The following COL25A1 variants were observed in gnomAD, a reference collection of about 807,000 sequenced individuals.
The protein encoded by COL25A1 is collagen type XXV alpha 1 chain.
Under a neutral mutation model 128.4 loss-of-function variants are expected in COL25A1, and 103 were observed. The observed-to-expected ratio is 0.80, with a 90% CI of 0.68 to 0.94. The LOEUF (loss-of-function observed/expected upper bound fraction) is 0.94, where lower values mean the gene tolerates loss of function less well. Among genes scored for constraint, COL25A1 ranks in the 40% least tolerant of loss-of-function variants. The pLI, the probability that COL25A1 is intolerant of heterozygous loss-of-function variation, is 0.00. For synonymous variants in COL25A1, 279 were observed against 277.2 expected (o/e 1.01, Z -0.06); for missense variants, 745 against 840.0 (o/e 0.89, Z 1.40).
chr4:108,947,215 G>A (rs868077806), intron 8 of COL25A1, among the ~76,000 whole-genome samples: 8 of 151,970 alleles, frequency 5.3e-5, no homozygotes, highest in Admixed American at 3.3e-4. Context: ...AGGCTGAGGC[G>A]GGCAGATCAC....
intron 8 of COL25A1, among the ~76,000 whole-genome samples, chr4:108,967,763 T>C (rs1751481863): frequency 6.6e-6 from 1 of 152,164 alleles, no homozygotes; most frequent in Non-Finnish European, 1.5e-5. Context: ...TAGGCAATTA[T>C]AATTATTATG....
At position 109,094,520 on chromosome 4, in the gene COL25A1, T is replaced by C. The variant is rs369642508; in HGVS notation, c.368-44341A>G. 2.6e-5 allele frequency among the ~76,000 whole-genome samples: 4 copies of C among 152,340 alleles called. No individual in the cohort carries two copies. The South Asian group carries it at 8.3e-4, about 32-fold the overall frequency. On this transcript the variant is annotated intron_variant, in intron 3 of 37. Transcript: ENST00000399132. ...ATTCCTCAAAGAGAATGTGTGGTTT[T>C]ATATTTGCTAACTTAGGAATCGTCT...
chr4:109,277,944 G>T, intron 3 of COL25A1, among the ~76,000 whole-genome samples: 1 of 151,994 alleles, frequency 6.6e-6, no homozygotes, highest in East Asian at 1.9e-4. Flanking sequence ...GACCATCCTG[G>T]CTAACATGGT....
chr4:108,967,622 A>G (rs1751460103), intron 8 of COL25A1, among the ~76,000 whole-genome samples: 2 of 152,150 alleles, frequency 1.3e-5, no homozygotes, highest in South Asian at 4.1e-4. Context: ...GTGGATAATC[A>G]TTTTACTCAA....
intron 3 of COL25A1, among the ~76,000 whole-genome samples, chr4:109,060,612 C>T (rs762635471): frequency 1.3e-5 from 2 of 151,310 alleles, no homozygotes; most frequent in Admixed American, 6.6e-5. Context: ...GAATGTCTCT[C>T]ATTTGTCTAG....
intron 6 of COL25A1, among the ~76,000 whole-genome samples, chr4:109,003,543 G>A (rs10049847): frequency 0.8 from 120,813 of 151,944 alleles, 49,195 homozygotes; most frequent in East Asian, 1. Flanking sequence ...GCTCACGCCT[G>A]TAATCCCAGC....
At chr4:108,887,044 C>T (rs1234051827) in intron 18 of COL25A1, among the ~76,000 whole-genome samples, 1 of 152,108 alleles carries the variant, frequency 6.6e-6, no homozygotes, top group African/African-American at 2.4e-5. Flanking sequence ...TTTTATAAAT[C>T]TACACACTCA....
At chr4:109,252,442 T>C (rs1203183253) in intron 3 of COL25A1, among the ~76,000 whole-genome samples, 1 of 152,188 alleles carries the variant, frequency 6.6e-6, no homozygotes, top group Admixed American at 6.5e-5. Flanking sequence ...TGGGTGAGAA[T>C]AGGTGTGGCT....
chr4:108,974,418 CAGTT>C (rs762209987), intron 7 of COL25A1, 25 bp from the exon 8 acceptor site: 1 of 1,613,554 alleles, frequency 6.2e-7, no homozygotes, highest in African/African-American at 1.3e-5. Context: ...GGTGAGATAA[CAGTT>C]TTAGCCAAAA....
At chr4:108,819,609 G>T (rs1055697153) in intron 35 of COL25A1, among the ~76,000 whole-genome samples, 4 of 152,138 alleles carry the variant, frequency 2.6e-5, no homozygotes, top group Non-Finnish European at 4.4e-5. Context: ...ATATTTGGGG[G>T]TTAAGAAACC....
intron 3 of COL25A1, among the ~76,000 whole-genome samples, chr4:109,109,639 T>C (rs1217844433): frequency 6.6e-6 from 1 of 152,250 alleles, no homozygotes; most frequent in Non-Finnish European, 1.5e-5. Context: ...TTACGGTTCA[T>C]GGTTGTCACC....
chr4:108,860,181 G>A (rs1054099621), intron 23 of COL25A1, among the ~76,000 whole-genome samples: 2 of 151,908 alleles, frequency 1.3e-5, no homozygotes, highest in African/African-American at 2.4e-5. Flanking sequence ...GCGTGATCTC[G>A]GCTCACTGCA....
intron 3 of COL25A1, among the ~76,000 whole-genome samples, chr4:109,145,546 G>C (rs1054777442): frequency 6.6e-6 from 1 of 152,134 alleles, no homozygotes; most frequent in African/African-American, 2.4e-5. Context: ...ACCATTAAGA[G>C]AGAAAGCACA....
chr4:108,856,752 T>C (rs557896371), intron 24 of COL25A1, among the ~76,000 whole-genome samples: 1 of 152,180 alleles, frequency 6.6e-6, no homozygotes, highest in Admixed American at 6.5e-5. Context: ...CAATTAAAGA[T>C]GAGAAAAAGA....
At position 108,937,854 on chromosome 4, in the gene COL25A1, A is replaced by G. The variant is rs934126891; in HGVS notation, c.673-11T>C. ...CTTTCCTGGTTCACCCTTAAAAAAG[A>G]ATAGTGATAATTTTAGTAACGCTGT... On this transcript the variant is annotated splice_polypyrimidine_tract_variant and intron_variant, in intron 10 of 37. Coordinates refer to ENST00000399132, the MANE Select transcript of COL25A1 (RefSeq NM_198721.4). The G allele has an allele frequency of 2.9e-5, 46 of 1,600,162 alleles. No homozygotes were observed. The highest frequency in any genetic ancestry group is 3.7e-5 in the Non-Finnish European group (44 of 1,174,114).
chr4:108,849,475 A>C (rs1054162288), intron 26 of COL25A1, among the ~76,000 whole-genome samples: 1 of 152,238 alleles, frequency 6.6e-6, no homozygotes, highest in African/African-American at 2.4e-5. Context: ...TGACAAACTC[A>C]AAATATAGAG....
At chr4:109,149,372 C>T (rs979762844) in intron 3 of COL25A1, among the ~76,000 whole-genome samples, 7 of 152,108 alleles carry the variant, frequency 4.6e-5, no homozygotes, top group African/African-American at 1.7e-4. Context: ...CTACACTATT[C>T]TTCGACGTTC....
chr4:109,161,102 T>C (rs2126117697), intron 3 of COL25A1, among the ~76,000 whole-genome samples: 1 of 152,294 alleles, frequency 6.6e-6, no homozygotes, highest in South Asian at 2.1e-4. Context: ...CCTCTCAAAA[T>C]GCTGGGATTA....
chr4:109,101,894 A>G (rs899511908), intron 3 of COL25A1, among the ~76,000 whole-genome samples: 1 of 152,182 alleles, frequency 6.6e-6, no homozygotes, highest in Non-Finnish European at 1.5e-5. Flanking sequence ...GAAAACTCAC[A>G]ACCAAGAGTT....
Sources: gnomAD v4.1 joint callset for allele counts (sites outside exome capture counted in the v4.1 genomes callset) on GRCh38, gnomAD v4.1.1 for gene constraint, MANE v1.5 for transcripts, NCBI Gene and HGNC (gene_info 2026-07-23, HGNC 2026-07-21) for gene names.